The following MACROD2 variants were observed in gnomAD, a reference collection of about 807,000 sequenced individuals.
The protein encoded by MACROD2 is ADP-ribose glycohydrolase MACROD2.
A neutral mutation model predicts 70.4 loss-of-function variants in MACROD2; 36 were observed. That is an observed-to-expected ratio of 0.51 (90% confidence interval 0.39 to 0.68). MACROD2 has a LOEUF of 0.68. Ranked by LOEUF, MACROD2 falls within the 30% of genes least tolerant of loss-of-function variation. MACROD2 has a pLI of 0.00. For missense variants in MACROD2, 496 were observed against 538.4 expected (o/e 0.92, Z 0.78); for synonymous variants, 172 against 178.8 (o/e 0.96, Z 0.30).
At chr20:15,190,468 C>T (rs60513071) in intron 5 of MACROD2, among the ~76,000 whole-genome samples, 4,206 of 152,276 alleles carry the variant, frequency 0.028, 110 homozygotes, top group Middle Eastern at 0.071. Flanking sequence ...ATCATTGGAT[C>T]GTGCATTCGT....
intron 16 of MACROD2, among the ~76,000 whole-genome samples, chr20:16,043,416 A>C (rs1336320406): frequency 1.3e-5 from 2 of 152,026 alleles, no homozygotes; most frequent in Admixed American, 6.6e-5. Flanking sequence ...GAATTCTATC[A>C]TTATATATGA....
At chr20:15,473,403 T>C (rs1487209729) in intron 7 of MACROD2, among the ~76,000 whole-genome samples, 1 of 152,160 alleles carries the variant, frequency 6.6e-6, no homozygotes, top group Non-Finnish European at 1.5e-5. Context: ...CTACCATCAA[T>C]CCTCTGTCAG....
chr20:15,891,492 G>A (rs986817663), intron 10 of MACROD2, among the ~76,000 whole-genome samples: 1 of 152,184 alleles, frequency 6.6e-6, no homozygotes, highest in Non-Finnish European at 1.5e-5. Context: ...AGGATAGAGT[G>A]TAGAGAGTAA....
intron 17 of MACROD2, among the ~76,000 whole-genome samples, chr20:16,045,779 G>T (rs1241586326): frequency 3.3e-5 from 5 of 152,094 alleles, no homozygotes; most frequent in Non-Finnish European, 7.4e-5. Flanking sequence ...CCTGCATGAA[G>T]AGATGAGCAA....
At chr20:14,815,964 A>G (rs184539690) in intron 5 of MACROD2, among the ~76,000 whole-genome samples, 4 of 152,092 alleles carry the variant, frequency 2.6e-5, no homozygotes, top group African/African-American at 7.2e-5. Flanking sequence ...AGTGATATTT[A>G]AAGTAGGTCA....
At chr20:14,115,637 TG>T (rs2054504550) in intron 3 of MACROD2, among the ~76,000 whole-genome samples, 1 of 152,166 alleles carries the variant, frequency 6.6e-6, no homozygotes, top group Non-Finnish European at 1.5e-5. Context: ...GCAGTATCAT[TG>T]AAAAAACAGT....
At chr20:15,591,125 T>C (rs932631751) in intron 8 of MACROD2, among the ~76,000 whole-genome samples, 3 of 152,212 alleles carry the variant, frequency 2.0e-5, no homozygotes, top group Admixed American at 6.5e-5. Context: ...CTTCATGGTC[T>C]GAACTAGTAG....
intron 2 of MACROD2, among the ~76,000 whole-genome samples, chr20:14,034,180 T>C (rs1052160845): frequency 2.0e-5 from 3 of 152,150 alleles, no homozygotes; most frequent in Non-Finnish European, 4.4e-5. Flanking sequence ...TTCACCATGT[T>C]AGCCAGGATG....
intron 4 of MACROD2, among the ~76,000 whole-genome samples, chr20:14,580,507 C>T (rs1185239469): frequency 1.3e-5 from 2 of 151,952 alleles, no homozygotes; most frequent in East Asian, 3.9e-4. Flanking sequence ...AACTGTCAAG[C>T]AAAAATTGGA....
chr20:14,449,537 A>C (rs1473013315), intron 3 of MACROD2, among the ~76,000 whole-genome samples: 1 of 152,146 alleles, frequency 6.6e-6, no homozygotes, highest in African/African-American at 2.4e-5. Flanking sequence ...AATACTGTAC[A>C]TAGTGGGATG....
chr20:14,921,200 AT>A (rs2074158439), intron 5 of MACROD2, among the ~76,000 whole-genome samples: 1 of 152,132 alleles, frequency 6.6e-6, no homozygotes, highest in African/African-American at 2.4e-5. Flanking sequence ...CAATGCAGTT[AT>A]TTCCCATGAC....
chr20:14,074,989 T>G (rs1051070444), intron 2 of MACROD2, among the ~76,000 whole-genome samples: 1 of 152,232 alleles, frequency 6.6e-6, no homozygotes, highest in Non-Finnish European at 1.5e-5. Flanking sequence ...TAAGTCACTT[T>G]GTAGTCATCT....
chr20:14,672,818 A>G (rs1249810522), intron 4 of MACROD2, among the ~76,000 whole-genome samples: 2 of 152,216 alleles, frequency 1.3e-5, no homozygotes, highest in Non-Finnish European at 2.9e-5. Context: ...TTGAACATGT[A>G]CTTATATGTA....
intron 6 of MACROD2, among the ~76,000 whole-genome samples, chr20:15,340,493 A>G (rs2078099460): frequency 6.6e-6 from 1 of 152,018 alleles, no homozygotes. Flanking sequence ...GTTGTGTTGA[A>G]TTTTGATGAT....
chr20:14,105,595 A>G (rs1285520432), intron 3 of MACROD2, among the ~76,000 whole-genome samples: 2 of 152,168 alleles, frequency 1.3e-5, no homozygotes, highest in African/African-American at 2.4e-5. Flanking sequence ...TGCAGTTCCT[A>G]TGCAACTCCT....
At chr20:14,047,278 C>G (rs2053492228) in intron 2 of MACROD2, among the ~76,000 whole-genome samples, 2 of 152,046 alleles carry the variant, frequency 1.3e-5, no homozygotes, top group South Asian at 2.1e-4. Context: ...AACTCCGTCT[C>G]TACTAAAAAA....
intron 8 of MACROD2, among the ~76,000 whole-genome samples, chr20:15,602,287 C>T (rs1002420499): frequency 2.0e-5 from 3 of 152,152 alleles, no homozygotes; most frequent in Non-Finnish European, 4.4e-5. Context: ...AAAGGCCTGG[C>T]CCGCTAGTTT....
intron 3 of MACROD2, among the ~76,000 whole-genome samples, chr20:14,358,406 A>T (rs928422009): frequency 8.5e-5 from 13 of 152,160 alleles, no homozygotes; most frequent in African/African-American, 3.1e-4. Context: ...AACTCATGAA[A>T]TTCTCTTAAC....
chr20:14,516,525 G>A (rs900774791), intron 4 of MACROD2, among the ~76,000 whole-genome samples: 2 of 152,126 alleles, frequency 1.3e-5, no homozygotes, highest in Non-Finnish European at 2.9e-5. Context: ...CATATGGCTA[G>A]CCAGTTTTCC....
Sources: gnomAD v4.1 joint callset for allele counts (sites outside exome capture counted in the v4.1 genomes callset) on GRCh38, gnomAD v4.1.1 for gene constraint, MANE v1.5 for transcripts, NCBI Gene and HGNC (gene_info 2026-07-23, HGNC 2026-07-21) for gene names.